The following HDGFL2 variants were observed in gnomAD, a reference collection of about 807,000 sequenced individuals.
The protein encoded by HDGFL2 is HDGF like 2, also known as hepatoma-derived growth factor-related protein 2.
HDGFL2 carries 36 observed loss-of-function variants against 77.1 expected under a neutral mutation model. That is an observed-to-expected ratio of 0.47 (90% CI 0.36 to 0.62). HDGFL2 has a LOEUF of 0.62. Among genes scored for constraint, HDGFL2 ranks in the 20% least tolerant of loss-of-function variants. The pLI is 0.00. For synonymous variants in HDGFL2, 463 were observed against 413.1 expected (o/e 1.12, Z -1.46); for missense variants, 976 against 973.4 (o/e 1.00, Z -0.04).
intron 3 of HDGFL2, among the ~76,000 whole-genome samples, chr19:4,477,111 G>A (rs1363900719): frequency 6.6e-6 from 1 of 152,130 alleles, no homozygotes; most frequent in Non-Finnish European, 1.5e-5. Context: ...TGAGAACCTG[G>A]GGTCTTGAGG....
At position 4,498,346 on chromosome 19, in the gene HDGFL2, G is replaced by A; in HGVS notation, c.1443G>A (p.Glu481=). The A allele has an allele frequency of 6.2e-7, 1 of 1,613,848 alleles. No homozygotes were observed. The highest frequency in any genetic ancestry group is 8.5e-7 in the Non-Finnish European group (1 of 1,179,988). The change falls in exon 12 of 16, where the codon GAG becomes GAA. Residue 481 remains glutamate (E), a synonymous_variant. Transcript: ENST00000616600. ...AGAAGCTGCAGAAGCTGCACAGTGA[G>A]ATCAAGTTTGCCCTAAAGGTCGACA... The part of the protein sequence containing the change: ...VEEKLQKLHS[E]IKFALKVDSP...
chr19:4,500,529 T>C (rs893108242), intron 14 of HDGFL2, among the ~76,000 whole-genome samples: 1 of 150,036 alleles, frequency 6.7e-6, no homozygotes, highest in African/African-American at 2.5e-5. Flanking sequence ...AGCGTGATCT[T>C]GGCTCACTGC....
At position 4,498,977 on chromosome 19, in the gene HDGFL2, C is replaced by T. The variant is rs540127431; in HGVS notation, c.1575+62C>T. 8.7e-4 allele frequency: 1,049 copies of T among 1,212,646 alleles called. 22 individuals are homozygous for T. The South Asian group carries it at 0.01, about 12-fold the overall frequency. 75.1% of individuals were successfully genotyped at this position (1,212,646 alleles called of 1,614,324 possible). A position where few individuals can be genotyped will look rare whatever the true frequency, so the allele number is the denominator to read the frequency against. ...GGGGAGCTGGGAGCAAGTGCCTGCC[C>T]GGGAGCCCAGGCCCCCAGCAGGTTC... On this transcript the variant is annotated intron_variant, in intron 13 of 15. Transcript: ENST00000616600.
rs775418427 is a variant in HDGFL2, at chr19:4,488,768, C to T, written c.381C>T (p.Ala127=). 1.6e-5 allele frequency: 25 copies of T among 1,552,356 alleles called. No homozygotes were observed. Among genetic ancestry groups the T allele is most frequent in the South Asian group, 8.3e-5 (7 of 84,182 alleles). Residue 127 remains alanine (A), a synonymous_variant, in exon 4 of 16, where the codon GCC becomes GCT. Coordinates refer to ENST00000616600, the MANE Select transcript of HDGFL2 (RefSeq NM_001001520.3). Reference sequence around the variant, plus strand: ...ACGATGAGGACCGGGGGGTCATGGCCGTCACAGCGGTAACCGCCACAGCTG... The same window carrying T: ...ACGATGAGGACCGGGGGGTCATGGCTGTCACAGCGGTAACCGCCACAGCTG... ...DEDDEDRGVM[A]VTAVTATAAS...
intron 3 of HDGFL2, among the ~76,000 whole-genome samples, chr19:4,481,865 G>A (rs960694943): frequency 2.6e-5 from 4 of 152,114 alleles, no homozygotes; most frequent in Middle Eastern, 3.4e-3. Flanking sequence ...GCGCTCACTG[G>A]ATGGTGGAGG....
At chr19:4,491,202 C>T (rs1009516632) in intron 4 of HDGFL2, among the ~76,000 whole-genome samples, 2 of 149,642 alleles carry the variant, frequency 1.3e-5, no homozygotes, top group African/African-American at 4.9e-5. Context: ...AGAACTTTCT[C>T]GTCTTCCCAA....
chr19:4,492,789 G>GTGTGTTTCTGGTCTGTGTGT (rs1334403147), intron 6 of HDGFL2, among the ~76,000 whole-genome samples: 8 of 127,560 alleles, frequency 6.3e-5, no homozygotes, highest in African/African-American at 2.6e-4. Context: ...TGTGTCTGGT[G>GTGTGTTTCTGGTCTGTGTGT]TGTGTTTCTG....
chr19:4,483,305 G>T (rs1345520178), intron 3 of HDGFL2, among the ~76,000 whole-genome samples: 1 of 152,122 alleles, frequency 6.6e-6, no homozygotes, highest in African/African-American at 2.4e-5. Context: ...GCGGCTGTGC[G>T]CACGGAGGCT....
chr19:4,488,062 G>A (rs184059654), intron 3 of HDGFL2, among the ~76,000 whole-genome samples: 5 of 151,736 alleles, frequency 3.3e-5, no homozygotes, highest in South Asian at 2.1e-4. Flanking sequence ...CCTCCACCTC[G>A]TGGGTTCAAG....
chr19:4,499,445 G>T, intron 13 of HDGFL2, 46 bp from the exon 14 acceptor site: 1 of 1,575,766 alleles, frequency 6.3e-7, no homozygotes, highest in East Asian at 2.3e-5. Context: ...GCCGGGGCTA[G>T]GGCCGCTGCA....
rs1975751221 is a variant in HDGFL2 at position 4,497,968 on chromosome 19, G to T, written c.1339G>T (p.Val447Leu). Residue 447 changes from valine (V) to leucine (L), a missense_variant, in exon 11 of 16, where the codon GTG becomes TTG. Val to Leu is a conservative substitution (Grantham distance 32). Transcript: ENST00000616600. ...AGCACTTCTCCACAGGCCCGTGAAG[G>T]TGGAGCGGACCCGGAAGCGGTCCGA... ...EEKQQAKPVK[V>L]ERTRKRSEGF... 6.4e-7 allele frequency: 1 copy of T among 1,554,118 alleles called. No homozygotes were observed. Among genetic ancestry groups the T allele is most frequent in the African/African-American group, 1.4e-5 (1 of 73,428 alleles).
At chr19:4,501,116 G>A in intron 14 of HDGFL2, 75 bp from the exon 15 acceptor site, 1 of 1,593,296 alleles carries the variant, frequency 6.3e-7, no homozygotes, top group Non-Finnish European at 8.6e-7. Flanking sequence ...CCCTGGTCCA[G>A]TCCTTGACAG....
chr19:4,490,624 A>T (rs1975481779), intron 4 of HDGFL2, among the ~76,000 whole-genome samples: 1 of 152,212 alleles, frequency 6.6e-6, no homozygotes, highest in East Asian at 1.9e-4. Flanking sequence ...AAAGGACCAG[A>T]TTCTAGCAGC....
Position 4,501,997 on chromosome 19 carries a change from A to G in HDGFL2, c.2003A>G (p.Asp668Gly), listed in dbSNP as rs1378060496. 4.0e-6 allele frequency: 6 copies of G among 1,517,360 alleles called. No individual in the cohort carries two copies. Among genetic ancestry groups the G allele is most frequent in the Middle Eastern group, 1.8e-4 (1 of 5,448 alleles). The allele number at this position is 1,517,360 out of a possible 1,614,324, so 94.0% of individuals were successfully genotyped here. ...GCACGGGGGGACTCGGAGGCCCTGG[A>G]CGAGGAGAGCTGAGCCGCGGGCAGC... ...ERARGDSEAL[D>G]EES Residue 668 changes from aspartate (D) to glycine (G), a missense_variant, in exon 16 of 16, where the codon GAC (aspartate) becomes GGC (glycine). Physicochemically the swap from Asp to Gly is moderately conservative, Grantham distance 94. Around this residue, in one of 5 missense-constraint regions of HDGFL2, gnomAD observed 229 missense variants for 187.3 expected, o/e 1.22. Coordinates refer to ENST00000616600, the MANE Select transcript of HDGFL2 (RefSeq NM_001001520.3).
intron 3 of HDGFL2, among the ~76,000 whole-genome samples, chr19:4,485,195 G>T (rs1446474893): frequency 6.6e-6 from 1 of 152,088 alleles, no homozygotes; most frequent in East Asian, 1.9e-4. Flanking sequence ...GGCAACCATG[G>T]ATCCACCTTC....
At chr19:4,499,798 ACT>A in intron 14 of HDGFL2, 94 bp downstream of exon 14, 2 of 1,025,416 alleles carry the variant, frequency 2.0e-6, no homozygotes, top group African/African-American at 1.6e-5. Context: ...GTACAGCTCT[ACT>A]CTCTGCCCCA....
intron 3 of HDGFL2, among the ~76,000 whole-genome samples, chr19:4,485,527 A>G (rs1975337355): frequency 6.6e-6 from 1 of 150,884 alleles, no homozygotes; most frequent in African/African-American, 2.4e-5. Flanking sequence ...TCACGAGGTC[A>G]GGAGATTGAG....
At chr19:4,472,887 C>A (rs1470160798) in intron 1 of HDGFL2, among the ~76,000 whole-genome samples, 1 of 145,538 alleles carries the variant, frequency 6.9e-6, no homozygotes, top group East Asian at 2.1e-4. Context: ...CTGCAGGAGC[C>A]GCGCCCCGGG....
At chr19:4,499,726 C>T in intron 14 of HDGFL2, 22 bp downstream of exon 14, 1 of 1,495,572 alleles carries the variant, frequency 6.7e-7, no homozygotes, top group Non-Finnish European at 9.1e-7. Flanking sequence ...GTGGGGTGGG[C>T]CCTGTACCTC....
Sources: allele counts gnomAD v4.1 joint callset (sites outside exome capture counted in the v4.1 genomes callset), GRCh38; gene constraint gnomAD v4.1.1; regional missense constraint gnomAD v4.1.1; transcripts MANE v1.5; gene names NCBI Gene and HGNC (gene_info 2026-07-23, HGNC 2026-07-21).